The following DLG2 variants were observed in gnomAD, a reference collection of about 807,000 sequenced individuals.
DLG2 encodes the protein discs large MAGUK scaffold protein 2, also known as disks large homolog 2.
Under a neutral mutation model 132.5 loss-of-function variants are expected in DLG2, and 45 were observed. That is an observed-to-expected ratio of 0.34 (90% CI 0.27 to 0.44). DLG2 has a LOEUF of 0.44. Among genes scored for constraint, DLG2 ranks in the 20% least tolerant of loss-of-function variants. The probability of loss-of-function intolerance (pLI) is 1.00; values close to 1 mark genes in which losing one functional copy is unlikely to be tolerated. For synonymous variants in DLG2, 424 were observed against 419.6 expected, an observed-to-expected ratio of 1.01 and a Z score of -0.13; for missense variants, 1,045 against 1,196.9, an observed-to-expected ratio of 0.87 and a Z score of 1.87.
intron 7 of DLG2, among the ~76,000 whole-genome samples, chr11:84,409,804 T>C (rs996151349): frequency 2.8e-4 from 42 of 152,234 alleles, no homozygotes; most frequent in African/African-American, 1.0e-3. Flanking sequence ...TCTGATTATC[T>C]GAAAATGGTT....
intron 12 of DLG2, among the ~76,000 whole-genome samples, chr11:83,975,841 A>T (rs1477366082): frequency 6.6e-6 from 1 of 151,936 alleles, no homozygotes; most frequent in Non-Finnish European, 1.5e-5. Flanking sequence ...AAAGGGGGAC[A>T]TTTACAGGAA....
chr11:85,549,281 T>G (rs532265399), intron 3 of DLG2, among the ~76,000 whole-genome samples: 4 of 152,192 alleles, frequency 2.6e-5, no homozygotes, highest in African/African-American at 9.6e-5. Flanking sequence ...CGCCCCACCC[T>G]GCTTCCACTC....
intron 10 of DLG2, among the ~76,000 whole-genome samples, chr11:84,088,493 A>G (rs1469527279): frequency 6.6e-6 from 1 of 152,214 alleles, no homozygotes; most frequent in Non-Finnish European, 1.5e-5. Context: ...GAAATAGGAA[A>G]ACTCCAGCTG....
intron 2 of DLG2, among the ~76,000 whole-genome samples, chr11:85,609,035 C>T (rs2080798148): frequency 6.6e-6 from 1 of 152,150 alleles, no homozygotes; most frequent in Admixed American, 6.5e-5. Context: ...CACTGGGACC[C>T]TGACTCAGAT....
chr11:84,098,655 C>T (rs1044693734), intron 10 of DLG2, among the ~76,000 whole-genome samples: 1 of 152,096 alleles, frequency 6.6e-6, no homozygotes, highest in African/African-American at 2.4e-5. Flanking sequence ...AGACTGAAGG[C>T]CTCATCCAAA....
At position 85,535,709 on chromosome 11, in the gene DLG2, T is replaced by C. The variant is rs138093613; in HGVS notation, c.40+62948A>G. ...ATGTTCATAGCAGCATTATTCAAAA[T>C]AGCCAAAATACGGGAATAACCCAAA... On this transcript the variant is annotated intron_variant, in intron 3 of 27. Transcript: ENST00000376104. Among the ~76,000 whole-genome samples, 407 of 152,222 alleles carry C rather than the reference T, an allele frequency of 2.7e-3. 9 individuals carry two copies. Among genetic ancestry groups the C allele is most frequent in the Non-Finnish European group, 4.3e-4 (29 of 68,000 alleles).
At chr11:85,417,657 C>T (rs1308660291) in intron 3 of DLG2, among the ~76,000 whole-genome samples, 1 of 152,160 alleles carries the variant, frequency 6.6e-6, no homozygotes, top group African/African-American at 2.4e-5. Flanking sequence ...TCAACTTCTT[C>T]TTGCTTTAGT....
intron 6 of DLG2, among the ~76,000 whole-genome samples, chr11:84,778,109 C>A (rs1435762652): frequency 6.6e-6 from 1 of 152,074 alleles, no homozygotes; most frequent in Non-Finnish European, 1.5e-5. Flanking sequence ...CGTCTTTAAT[C>A]CATCTTGAGT....
intron 6 of DLG2, among the ~76,000 whole-genome samples, chr11:84,845,840 C>T (rs1003869758): frequency 6.6e-6 from 1 of 151,820 alleles, no homozygotes; most frequent in African/African-American, 2.4e-5. Flanking sequence ...CCAACACACC[C>T]AGCTAATTTT....
intron 6 of DLG2, among the ~76,000 whole-genome samples, chr11:84,822,225 GTTAA>G (rs1229182436): frequency 6.6e-6 from 1 of 151,236 alleles, no homozygotes; most frequent in African/African-American, 2.4e-5. Context: ...TTATTTATTA[GTTAA>G]TTAAACTAAT....
intron 22 of DLG2, among the ~76,000 whole-genome samples, chr11:83,481,163 G>GT (rs558100501): frequency 4.6e-5 from 7 of 151,908 alleles, no homozygotes; most frequent in East Asian, 1.9e-4. Context: ...GCTGAAGTAT[G>GT]TTTTTTTTAA....
At chr11:85,257,105 G>T (rs2076709820) in intron 4 of DLG2, among the ~76,000 whole-genome samples, 1 of 152,186 alleles carries the variant, frequency 6.6e-6, no homozygotes, top group Non-Finnish European at 1.5e-5. Context: ...AAAGATTGAT[G>T]CATGCTGTAT....
At chr11:85,205,913 A>C (rs1249742831) in intron 4 of DLG2, among the ~76,000 whole-genome samples, 1 of 152,148 alleles carries the variant, frequency 6.6e-6, no homozygotes, top group Non-Finnish European at 1.5e-5. Flanking sequence ...GCATTCCTTT[A>C]CATAATCAAT....
At chr11:85,008,204 G>A (rs1458102930) in intron 6 of DLG2, among the ~76,000 whole-genome samples, 1 of 151,892 alleles carries the variant, frequency 6.6e-6, no homozygotes, top group Non-Finnish European at 1.5e-5. Context: ...TAAATTTTAG[G>A]GTTAAAGATA....
chr11:85,612,510 G>A (rs1311483563), intron 2 of DLG2, among the ~76,000 whole-genome samples: 1 of 152,216 alleles, frequency 6.6e-6, no homozygotes, highest in Non-Finnish European at 1.5e-5. Flanking sequence ...AAACTTTAAA[G>A]TACTTACAGA....
intron 3 of DLG2, among the ~76,000 whole-genome samples, chr11:85,370,402 T>G (rs1405015635): frequency 6.6e-6 from 1 of 152,208 alleles, no homozygotes; most frequent in Non-Finnish European, 1.5e-5. Flanking sequence ...GTGCAACAAC[T>G]GTGGAAATTA....
In DLG2 at chr11:85,087,046, C is replaced by T. The variant is rs2068024673; in HGVS notation, c.357+24615G>A. Among the ~76,000 whole-genome samples the T allele has an allele frequency of 1.3e-5, 2 of 152,104 alleles. 1 individual carries two copies. The highest frequency in any genetic ancestry group is 4.1e-4 in the South Asian group (2 of 4,824). ...TCTCATTCCTATTGCTCTGTTCATT[C>T]ATTTGCTCATTGTGATTCATTTTTG... On this transcript the variant is annotated intron_variant, in intron 6 of 27. Coordinates refer to ENST00000376104, the MANE Select transcript of DLG2 (RefSeq NM_001142699.3).
chr11:84,486,346 G>A (rs552519324), intron 7 of DLG2, among the ~76,000 whole-genome samples: 1 of 152,214 alleles, frequency 6.6e-6, no homozygotes, highest in East Asian at 1.9e-4. Context: ...TTAGGTTTTG[G>A]TTAGACTTGG....
At chr11:83,790,831 C>A (rs2041335035) in intron 17 of DLG2, 2 of 753,796 alleles carry the variant, frequency 2.7e-6, no homozygotes, top group Non-Finnish European at 4.9e-6. Flanking sequence ...ACCACAGAGA[C>A]TTCCATGGTA....
Sources: gnomAD v4.1 joint callset for allele counts (sites outside exome capture counted in the v4.1 genomes callset) on GRCh38, gnomAD v4.1.1 for gene constraint, MANE v1.5 for transcripts, NCBI Gene and HGNC (gene_info 2026-07-23, HGNC 2026-07-21) for gene names.